SNX29: variants seen among roughly 807,000 people sequenced by gnomAD.
SNX29 encodes the protein sorting nexin 29.
Under a neutral mutation model 102.1 loss-of-function variants are expected in SNX29, and 78 were observed. The ratio of observed to expected loss-of-function variants is 0.76; its 90% CI spans 0.64 to 0.92. The LOEUF is 0.92. Among genes scored for constraint, SNX29 ranks in the 40% least tolerant of loss-of-function variants. The probability of loss-of-function intolerance (pLI) is 0.00; values close to 1 mark genes in which losing one functional copy is unlikely to be tolerated. For missense variants in SNX29, 1,280 were observed against 1,061.7 expected, an observed-to-expected ratio of 1.21 and a Z score of -2.86; for synonymous variants, 580 against 414.5, an observed-to-expected ratio of 1.40 and a Z score of -4.85.
At chr16:12,186,580 G>C (rs181624889) in intron 13 of SNX29, among the ~76,000 whole-genome samples, 4 of 152,250 alleles carry the variant, frequency 2.6e-5, no homozygotes, top group Admixed American at 2.6e-4. Flanking sequence ...TTCACCAATG[G>C]GGCCAATTTA....
chr16:12,301,977 G>A (rs2080187997), intron 15 of SNX29, among the ~76,000 whole-genome samples: 1 of 152,092 alleles, frequency 6.6e-6, no homozygotes, highest in African/African-American at 2.4e-5. Flanking sequence ...TGATCCTGAA[G>A]GTAAATTTCA....
chr16:12,397,402 C>G (rs1366094469), intron 16 of SNX29, among the ~76,000 whole-genome samples: 2 of 152,194 alleles, frequency 1.3e-5, no homozygotes, highest in Non-Finnish European at 2.9e-5. Context: ...TACAGCCTCC[C>G]TGAGCCTCGG....
intron 11 of SNX29, among the ~76,000 whole-genome samples, chr16:12,097,228 C>T (rs779104389): frequency 6.6e-6 from 1 of 152,220 alleles, no homozygotes; most frequent in Non-Finnish European, 1.5e-5. Context: ...TTGCGGTGAT[C>T]CCCATTTCAC....
chr16:12,332,310 A>G (rs960387173), intron 15 of SNX29, among the ~76,000 whole-genome samples: 1 of 152,038 alleles, frequency 6.6e-6, no homozygotes, highest in African/African-American at 2.4e-5. Flanking sequence ...CTCGTTGCCA[A>G]ATGGTTGCAT....
At chr16:12,448,448 A>C (rs554736892) in intron 18 of SNX29, among the ~76,000 whole-genome samples, 40 of 147,484 alleles carry the variant, frequency 2.7e-4, no homozygotes, top group South Asian at 2.5e-3. Context: ...AGATTATTAA[A>C]TTGTTCAAGG....
At chr16:11,996,548 T>C (rs1417490060) in intron 1 of SNX29, among the ~76,000 whole-genome samples, 5 of 152,246 alleles carry the variant, frequency 3.3e-5, no homozygotes, top group African/African-American at 1.2e-4. Flanking sequence ...TTCTATTTTT[T>C]TCCTGCATGA....
intron 13 of SNX29, among the ~76,000 whole-genome samples, chr16:12,169,945 T>A (rs1291743678): frequency 2.0e-5 from 3 of 152,040 alleles, no homozygotes; most frequent in African/African-American, 7.2e-5. Flanking sequence ...CTGGCCACAT[T>A]CATTTATTAA....
At chr16:12,542,638 T>G (rs184512836) in intron 20 of SNX29, among the ~76,000 whole-genome samples, 2 of 152,350 alleles carry the variant, frequency 1.3e-5, no homozygotes, top group Admixed American at 1.3e-4. Flanking sequence ...AGTGTGGGTC[T>G]AACACTTAAA....
intron 18 of SNX29, among the ~76,000 whole-genome samples, chr16:12,428,926 A>G (rs2085198224): frequency 6.6e-6 from 1 of 152,208 alleles, no homozygotes; most frequent in Non-Finnish European, 1.5e-5. Context: ...ACACACAGAT[A>G]CGATTGCAAC....
intron 13 of SNX29, chr16:12,135,523 C>G: frequency 3.0e-6 from 4 of 1,319,334 alleles, no homozygotes; most frequent in Non-Finnish European, 4.0e-6. Context: ...ATGGTGCCAG[C>G]CAGTTCTCTT....
At chr16:12,076,057 G>C (rs1206363803) in intron 10 of SNX29, among the ~76,000 whole-genome samples, 1 of 152,156 alleles carries the variant, frequency 6.6e-6, no homozygotes, top group Non-Finnish European at 1.5e-5. Context: ...CGATATTCCA[G>C]GTGCCGTCTG....
At position 12,041,617 on chromosome 16, in the gene SNX29, GCCCA is replaced by G. The variant is rs1177019270; in HGVS notation, c.248-1277_248-1274del. Among the ~76,000 whole-genome samples, 5 of 152,150 alleles carry G rather than the reference GCCCA, an allele frequency of 3.3e-5. No homozygotes were observed. The East Asian group carries it at 9.6e-4, about 29-fold the overall frequency. On this transcript the variant is annotated intron_variant, in intron 4 of 20. Coordinates refer to ENST00000566228, the MANE Select transcript of SNX29 (RefSeq NM_032167.5). ...CTGGCCCTTCCAGAGTCTGCTCGCT[GCCCA>G]CCTTCCTTGGCTATGGCTGCCCCAT...
chr16:12,100,622 T>C (rs1440115513), intron 11 of SNX29, among the ~76,000 whole-genome samples: 1 of 150,876 alleles, frequency 6.6e-6, no homozygotes, highest in Non-Finnish European at 1.5e-5. Context: ...GAAGAGATCA[T>C]GGGGATGTGG....
chr16:12,016,063 C>G (rs910542919), intron 3 of SNX29, among the ~76,000 whole-genome samples: 4 of 152,008 alleles, frequency 2.6e-5, no homozygotes, highest in Admixed American at 2.6e-4. Flanking sequence ...CGGGATTTCA[C>G]CATGTTGGCC....
At chr16:12,093,577 G>A (rs1268435994) in intron 11 of SNX29, 5 of 152,194 alleles carry the variant, frequency 3.3e-5, no homozygotes, top group African/African-American at 1.2e-4. Flanking sequence ...TCGCACCACA[G>A]CCTGGGTGAC....
chr16:11,979,659 C>T (rs943901196), intron 1 of SNX29, among the ~76,000 whole-genome samples: 1 of 152,208 alleles, frequency 6.6e-6, no homozygotes, highest in Non-Finnish European at 1.5e-5. Flanking sequence ...TCTTAGCTTA[C>T]TGCAACCTTC....
chr16:12,110,949 T>G (rs2053478619), intron 11 of SNX29, among the ~76,000 whole-genome samples: 1 of 152,000 alleles, frequency 6.6e-6, no homozygotes, highest in African/African-American at 2.4e-5. Flanking sequence ...TCAGAGTAGC[T>G]GAGATCACAG....
intron 18 of SNX29, among the ~76,000 whole-genome samples, chr16:12,412,399 A>AT (rs1170960749): frequency 2.0e-5 from 3 of 152,238 alleles, no homozygotes; most frequent in African/African-American, 4.8e-5. Flanking sequence ...ACCTGTTTCC[A>AT]TAACATGTTT....
chr16:11,985,414 A>T (rs559576220), intron 1 of SNX29, among the ~76,000 whole-genome samples: 1 of 152,320 alleles, frequency 6.6e-6, no homozygotes, highest in African/African-American at 2.4e-5. Flanking sequence ...CAGCATGGGA[A>T]TATATGGTGT....
Sources: gnomAD v4.1 joint callset for allele counts (sites outside exome capture counted in the v4.1 genomes callset) on GRCh38, gnomAD v4.1.1 for gene constraint, MANE v1.5 for transcripts, NCBI Gene and HGNC (gene_info 2026-07-23, HGNC 2026-07-21) for gene names.